NUP133: variants seen among roughly 807,000 people sequenced by gnomAD.
NUP133 encodes nucleoporin 133, also known as nuclear pore complex protein Nup133.
NUP133 carries 66 observed loss-of-function variants against 146.2 expected under a neutral mutation model. That is an observed-to-expected ratio of 0.45 (90% CI 0.37 to 0.55). The LOEUF (loss-of-function observed/expected upper bound fraction) is 0.55, where lower values mean the gene tolerates loss of function less well. Among genes scored for constraint, NUP133 ranks in the 20% least tolerant of loss-of-function variants. The probability of loss-of-function intolerance (pLI) is 0.00; values close to 1 mark genes in which losing one functional copy is unlikely to be tolerated. For synonymous variants in NUP133, 521 were observed against 498.8 expected (o/e 1.04, Z -0.59); for missense variants, 1,277 against 1,374.8 (o/e 0.93, Z 1.12).
At chr1:229,470,158 A>G (rs1473251101) in intron 15 of NUP133, among the ~76,000 whole-genome samples, 1 of 151,950 alleles carries the variant, frequency 6.6e-6, no homozygotes, top group Admixed American at 6.6e-5. Context: ...GGAGTTCGAC[A>G]TCAAACCCCA....
At chr1:229,478,103 T>C (rs1204158420) in intron 12 of NUP133, among the ~76,000 whole-genome samples, 1 of 152,064 alleles carries the variant, frequency 6.6e-6, no homozygotes, top group Non-Finnish European at 1.5e-5. Flanking sequence ...TGAAAATATC[T>C]CATGTACCCC....
intron 7 of NUP133, 71 bp from the exon 8 acceptor site, chr1:229,495,636 G>C (rs953257136): frequency 3.4e-6 from 4 of 1,163,890 alleles, no homozygotes; most frequent in Admixed American, 2.0e-5. Flanking sequence ...TATATCCCTA[G>C]TACCTAGTGA....
chr1:229,448,957 G>T (rs540919395), intron 24 of NUP133, 169 bp downstream of exon 24: 28 of 625,156 alleles, frequency 4.5e-5, no homozygotes, highest in African/African-American at 4.1e-4. Flanking sequence ...TAAATTAAAG[G>T]ACATTCAGCT....
chr1:229,484,883 G>A (rs34382491), intron 11 of NUP133, among the ~76,000 whole-genome samples: 27,790 of 150,726 alleles, frequency 0.18, 2,789 homozygotes, highest in Middle Eastern at 0.24. Context: ...AATACAAAAT[G>A]CAAGGTATTA....
Position 229,442,144 on chromosome 1 carries a change from C to T in NUP133, c.3335-104G>A, listed in dbSNP as rs11809977. On this transcript the variant is annotated intron_variant, in intron 25 of 25. Coordinates refer to ENST00000261396, the MANE Select transcript of NUP133 (RefSeq NM_018230.3). ...CACCTGTGCTTCTATTTAAATATAACGTCACTTTGCTGTTGGGAAATACTC... is the reference window on the plus strand; with the variant it reads ...CACCTGTGCTTCTATTTAAATATAATGTCACTTTGCTGTTGGGAAATACTC... 3.8e-3 allele frequency: 4,185 copies of T among 1,109,336 alleles called. 128 individuals carry two copies. The African/African-American group carries it at 0.062, about 16-fold the overall frequency. The allele number at this position is 1,109,336 out of a possible 1,614,324, so 68.7% of individuals were successfully genotyped here.
intron 14 of NUP133, among the ~76,000 whole-genome samples, chr1:229,472,498 C>T (rs1210783849): frequency 6.6e-6 from 1 of 150,662 alleles, no homozygotes; most frequent in Admixed American, 6.6e-5. Context: ...CAGAAGCAGG[C>T]GATCACCTGG....
rs183215394 is a variant in NUP133 at position 229,449,026 on chromosome 1, G to C, written c.3245+100C>G. 71 of 893,448 alleles carry C rather than the reference G, an allele frequency of 7.9e-5. No individual in the cohort carries two copies. In the African/African-American group the frequency reaches 1.1e-3, roughly 14 times the overall value. The allele number at this position is 893,448 out of a possible 1,614,324, so 55.3% of individuals were successfully genotyped here. A position where few individuals can be genotyped will look rare whatever the true frequency, so the allele number is the denominator to read the frequency against. On this transcript the variant is annotated intron_variant, in intron 24 of 25. Coordinates refer to ENST00000261396, the MANE Select transcript of NUP133 (RefSeq NM_018230.3). ...TGTAGGAGGTGGGAAATCCCAACACGTCTGGTCACAGAAGTCTTCTGTTAT... is the reference window on the plus strand; with the variant it reads ...TGTAGGAGGTGGGAAATCCCAACACCTCTGGTCACAGAAGTCTTCTGTTAT...
chr1:229,485,700 AGATATATG>A (rs1661331502), intron 11 of NUP133, among the ~76,000 whole-genome samples: 1 of 152,226 alleles, frequency 6.6e-6, no homozygotes, highest in African/African-American at 2.4e-5. Flanking sequence ...TACATTACTT[AGATATATG>A]GAGAAAAATA....
In NUP133 at chr1:229,452,578, T is replaced by C. The variant is rs1442672453; in HGVS notation, c.3046A>G (p.Lys1016Glu). ...ETLPEQLLAEKQLNLSAMPVL... is the reference protein window; with the variant it reads ...ETLPEQLLAEEQLNLSAMPVL... ...GGCATCGCACTGAGATTTAGCTGTT[T>C]CTCCGCCAGCAGCTGTTCAGGTAGG... is the stretch of plus-strand genomic sequence containing the variant. The change falls in exon 22 of 26, where the codon AAA becomes GAA. Residue 1016 changes from lysine (K) to glutamate (E), a missense_variant. Transcript: ENST00000261396. 1.2e-6 allele frequency: 2 copies of C among 1,614,060 alleles called. No homozygotes were observed. The highest frequency in any genetic ancestry group is 8.5e-7 in the Non-Finnish European group (1 of 1,179,932).
chr1:229,501,212 A>C (rs577526802), intron 3 of NUP133, among the ~76,000 whole-genome samples: 1 of 152,288 alleles, frequency 6.6e-6, no homozygotes, highest in African/African-American at 2.4e-5. Context: ...TGATTTGTTC[A>C]TCTGACATTT....
intron 20 of NUP133, among the ~76,000 whole-genome samples, chr1:229,459,824 G>T (rs1263056954): frequency 6.6e-6 from 1 of 152,144 alleles, no homozygotes; most frequent in African/African-American, 2.4e-5. Context: ...AATGAACATG[G>T]GAGTGCAGGT....
intron 20 of NUP133, among the ~76,000 whole-genome samples, chr1:229,459,990 G>T (rs573996852): frequency 6.0e-4 from 92 of 152,174 alleles, no homozygotes; most frequent in Admixed American, 1.4e-3. Flanking sequence ...GAGTGCATCA[G>T]GGTTCCCTTT....
chr1:229,475,786 T>C (rs1661060643), intron 13 of NUP133, 54 bp from the exon 14 acceptor site: 6 of 1,380,210 alleles, frequency 4.3e-6, no homozygotes, highest in Non-Finnish European at 6.2e-6. Flanking sequence ...AACTATACTA[T>C]TTTAATATCA....
intron 16 of NUP133, 86 bp downstream of exon 16, chr1:229,466,548 A>G (rs982036171): frequency 1.4e-6 from 2 of 1,449,366 alleles, no homozygotes; most frequent in Middle Eastern, 1.8e-4. Context: ...ATTATCGGCA[A>G]TACAGAGTAG....
At chr1:229,496,837 A>C (rs1190677421) in intron 6 of NUP133, among the ~76,000 whole-genome samples, 1 of 152,208 alleles carries the variant, frequency 6.6e-6, no homozygotes, top group Admixed American at 6.5e-5. Context: ...ATAAATAAAA[A>C]TAAAAAATAA....
Position 229,497,986 on chromosome 1 carries a change from T to C in NUP133, c.819+150A>G, listed in dbSNP as rs1462872086. The C allele has an allele frequency of 7.9e-5, 38 of 483,186 alleles. No individual in the cohort carries two copies. The East Asian group carries it at 1.2e-3, about 16-fold the overall frequency. The allele number at this position is 483,186 out of a possible 1,614,324, so 29.9% of individuals were successfully genotyped here. ...AGAAGGTTAGTATGATCTCATTTCATCATAATAAAAATAGTTCACTAAAAA... is the reference window on the plus strand; with the variant it reads ...AGAAGGTTAGTATGATCTCATTTCACCATAATAAAAATAGTTCACTAAAAA... On this transcript the variant is annotated intron_variant, in intron 6 of 25. Transcript: ENST00000261396.
Position 229,500,806 on chromosome 1 carries a change from A to C in NUP133, c.463T>G (p.Leu155Val), listed in dbSNP as rs1308317738. 1.9e-6 allele frequency: 3 copies of C among 1,613,406 alleles called. No homozygotes were observed. The highest frequency in any genetic ancestry group is 2.5e-6 in the Non-Finnish European group (3 of 1,179,544). ...PPSDFHWSADLVALSYSSPSG... is the reference protein window; with the variant it reads ...PPSDFHWSADVVALSYSSPSG... ...GGAGAAGAGTAAGAAAGAGCCACTA[A>C]GTCGGCACTCCAGTGGAAATCACTA... is the stretch of plus-strand genomic sequence containing the variant. The change falls in exon 4 of 26, where the codon TTA (leucine) becomes GTA (valine). Residue 155 changes from leucine to valine, a missense_variant. Coordinates refer to ENST00000261396, the MANE Select transcript of NUP133 (RefSeq NM_018230.3).
At chr1:229,453,385 G>A (rs2102750218) in intron 21 of NUP133, among the ~76,000 whole-genome samples, 1 of 152,184 alleles carries the variant, frequency 6.6e-6, no homozygotes, top group East Asian at 1.9e-4. Flanking sequence ...GACTTTCCTA[G>A]GCTTCTTGGG....
intron 19 of NUP133, among the ~76,000 whole-genome samples, chr1:229,462,382 TTC>T (rs1387351261): frequency 3.9e-5 from 6 of 152,314 alleles, no homozygotes; most frequent in African/African-American, 7.2e-5. Context: ...GCTTAAAAGG[TTC>T]TCTCTGGGTG....
Sources: gnomAD v4.1 joint callset for allele counts (sites outside exome capture counted in the v4.1 genomes callset) on GRCh38, gnomAD v4.1.1 for gene constraint, MANE v1.5 for transcripts, NCBI Gene and HGNC (gene_info 2026-07-23, HGNC 2026-07-21) for gene names.